OSBPL3: variants seen among roughly 807,000 people sequenced by gnomAD.
OSBPL3 encodes oxysterol binding protein like 3.
In OSBPL3, 65 loss-of-function variants were observed where a neutral mutation model predicts 120.1. The ratio of observed to expected loss-of-function variants is 0.54; its 90% confidence interval spans 0.44 to 0.67. The LOEUF is 0.67. OSBPL3 is among the 30% of genes least tolerant of loss of function. The pLI, the probability that OSBPL3 is intolerant of heterozygous loss-of-function variation, is 0.00. For missense variants in OSBPL3, 1,004 were observed against 1,082.1 expected (o/e 0.93, Z 1.01); for synonymous variants, 416 against 402.6 (o/e 1.03, Z -0.40).
rs549468703 is a variant in OSBPL3, at chr7:24,849,364, G to A, written c.1159-188C>T. 1 of 433,204 alleles carries A rather than the reference G, an allele frequency of 2.3e-6. No homozygotes were observed. Among genetic ancestry groups the A allele is most frequent in the African/African-American group, 2.0e-5 (1 of 49,606 alleles). The allele number at this position is 433,204 out of a possible 1,614,324, so 26.8% of individuals were successfully genotyped here. ...GATACTGGTTCTGAGATGCCTGGGAGATGACAAACCTGGGCTCTGGAAATG... is the reference window on the plus strand; with the variant it reads ...GATACTGGTTCTGAGATGCCTGGGAAATGACAAACCTGGGCTCTGGAAATG... On this transcript the variant is annotated intron_variant, in intron 11 of 22. Transcript: ENST00000313367. The surrounding 1 kb of genome is among the most constrained non-coding windows in gnomAD (Gnocchi z 5.4).
In OSBPL3 at chr7:24,855,744, T is replaced by C. The variant is rs1319473396; in HGVS notation, c.1028-3110A>G. Among the ~76,000 whole-genome samples the C allele has an allele frequency of 2.0e-5, 3 of 152,172 alleles. No homozygotes were observed. The highest frequency in any genetic ancestry group is 2.9e-5 in the Non-Finnish European group (2 of 68,030). On this transcript the variant is annotated intron_variant, in intron 10 of 22. Coordinates refer to ENST00000313367, the MANE Select transcript of OSBPL3 (RefSeq NM_015550.4). This position sits in a 1 kb window ranked among gnomAD's most constrained non-coding sequence, Gnocchi z 4.3. Reference sequence around the variant, plus strand: ...GAACACTCTCTGTGATAGGAGTGCTTTCTTACTTATTTCTAACATGAATCT... The same window carrying C: ...GAACACTCTCTGTGATAGGAGTGCTCTCTTACTTATTTCTAACATGAATCT...
chr7:24,880,772 G>A (rs1803571073), intron 2 of OSBPL3, among the ~76,000 whole-genome samples: 1 of 152,168 alleles, frequency 6.6e-6, no homozygotes. Context: ...CAACTCATGA[G>A]CACACACCTT....
intron 1 of OSBPL3, among the ~76,000 whole-genome samples, chr7:24,929,020 CG>C (rs1226415220): frequency 1.3e-5 from 2 of 152,152 alleles, no homozygotes; most frequent in East Asian, 3.8e-4. Context: ...AGCAGTACGA[CG>C]GGCCAGAGGG....
chr7:24,844,559 C>T (rs1798170345), intron 12 of OSBPL3, among the ~76,000 whole-genome samples: 1 of 152,200 alleles, frequency 6.6e-6, no homozygotes, highest in Non-Finnish European at 1.5e-5. Context: ...ACAACCACTA[C>T]AAGCATTCTG....
chr7:24,895,508 T>C (rs1242897631), intron 1 of OSBPL3, among the ~76,000 whole-genome samples: 1 of 152,148 alleles, frequency 6.6e-6, no homozygotes, highest in African/African-American at 2.4e-5. Flanking sequence ...GTGCTTCCTA[T>C]CTTAAGCGAC....
Position 24,851,400 on chromosome 7 carries a change from T to C in OSBPL3, c.1158+1104A>G, listed in dbSNP as rs1799136937. On this transcript the variant is annotated intron_variant, in intron 11 of 22. Coordinates refer to ENST00000313367, the MANE Select transcript of OSBPL3 (RefSeq NM_015550.4). The surrounding 1 kb of genome is among the most constrained non-coding windows in gnomAD (Gnocchi z 4.1). ...GGTCCATCAGTGAATACTCCTTACA[T>C]ATTCTACAACAACTATATGTGCTAC... Among the ~76,000 whole-genome samples the C allele has an allele frequency of 6.6e-6, 1 of 152,208 alleles. No individual in the cohort carries two copies. The highest frequency in any genetic ancestry group is 1.5e-5 in the Non-Finnish European group (1 of 68,022).
At chr7:24,910,735 T>A (rs1196392020) in intron 1 of OSBPL3, among the ~76,000 whole-genome samples, 1 of 152,082 alleles carries the variant, frequency 6.6e-6, no homozygotes, top group Non-Finnish European at 1.5e-5. Flanking sequence ...AAGAGCTCAG[T>A]GGGGCTGGAG....
chr7:24,974,376 A>G (rs1817349678), intron 1 of OSBPL3, among the ~76,000 whole-genome samples: 1 of 152,216 alleles, frequency 6.6e-6, no homozygotes. Flanking sequence ...TAAACCATCA[A>G]CTATGAGGAC....
intron 2 of OSBPL3, among the ~76,000 whole-genome samples, chr7:24,878,738 G>A (rs1803213147): frequency 6.6e-6 from 1 of 152,234 alleles, no homozygotes; most frequent in Non-Finnish European, 1.5e-5. Context: ...GAAAAAATTA[G>A]TTGGGAGAAA....
At chr7:24,904,152 G>A (rs1318860401) in intron 1 of OSBPL3, among the ~76,000 whole-genome samples, 1 of 152,090 alleles carries the variant, frequency 6.6e-6, no homozygotes, top group Non-Finnish European at 1.5e-5. Flanking sequence ...CAGAGTGCTG[G>A]GATTACAGGT....
intron 1 of OSBPL3, among the ~76,000 whole-genome samples, chr7:24,903,002 C>T (rs897475980): frequency 2.6e-5 from 4 of 152,140 alleles, no homozygotes; most frequent in African/African-American, 4.8e-5. Flanking sequence ...TCAAAAACTC[C>T]GTGGAATAAG....
Position 24,871,238 on chromosome 7 carries a change from A to T in OSBPL3, c.268-393T>A, listed in dbSNP as rs1584454501. ...CATTTAGAAGTGATGTATTAATAAA[A>T]GAAGTGAGAGCAGAAGGCTGAGAGA... On this transcript the variant is annotated intron_variant, in intron 4 of 22. Transcript: ENST00000313367. This position sits in a 1 kb window ranked among gnomAD's most constrained non-coding sequence, Gnocchi z 4.8. Among the ~76,000 whole-genome samples the T allele has an allele frequency of 6.6e-6, 1 of 152,202 alleles. No individual in the cohort carries two copies. The highest frequency in any genetic ancestry group is 2.4e-5 in the African/African-American group (1 of 41,442).
intron 10 of OSBPL3, among the ~76,000 whole-genome samples, chr7:24,856,409 C>T (rs1799848542): frequency 6.6e-6 from 1 of 152,074 alleles, no homozygotes; most frequent in African/African-American, 2.4e-5. Flanking sequence ...CAATGTATCT[C>T]AATTTATCTG....
chr7:24,847,753 T>C (rs1798616471), intron 12 of OSBPL3, among the ~76,000 whole-genome samples: 1 of 152,190 alleles, frequency 6.6e-6, no homozygotes, highest in African/African-American at 2.4e-5. Context: ...AATACCATAG[T>C]ACATGGCAGC....
Position 24,815,274 on chromosome 7 carries a change from C to A in OSBPL3, c.2028-71G>T. ...GCAGCAAATGCAAACAAACTCTGCT[C>A]TTTTATAAAATAAGTCATGCAATGC... On this transcript the variant is annotated intron_variant, in intron 18 of 22. Transcript: ENST00000313367. This position sits in a 1 kb window ranked among gnomAD's most constrained non-coding sequence, Gnocchi z 5.1. The A allele has an allele frequency of 8.0e-7, 1 of 1,256,158 alleles. No individual in the cohort carries two copies. Among genetic ancestry groups the A allele is most frequent in the Admixed American group, 1.8e-5 (1 of 55,686 alleles). The allele number at this position is 1,256,158 out of a possible 1,614,324, so 77.8% of individuals were successfully genotyped here. A position where few individuals can be genotyped will look rare whatever the true frequency, so the allele number is the denominator to read the frequency against.
chr7:24,816,530 G>A (rs1584227291), intron 18 of OSBPL3, 80 bp downstream of exon 18: 12 of 855,836 alleles, frequency 1.4e-5, no homozygotes, highest in South Asian at 1.1e-4. Context: ...TGCCGGGGGC[G>A]GGGGTGGGCA....
intron 1 of OSBPL3, among the ~76,000 whole-genome samples, chr7:24,977,538 A>C (rs1194589807): frequency 7.2e-6 from 1 of 138,918 alleles, no homozygotes; most frequent in Non-Finnish European, 1.5e-5. Flanking sequence ...ATAACCTCAC[A>C]ACAATGCCCA....
rs148533518 is a variant in OSBPL3, at chr7:24,943,767, T to C, written c.-150+36119A>G. On this transcript the variant is annotated intron_variant, in intron 1 of 22. Coordinates refer to ENST00000313367, the MANE Select transcript of OSBPL3 (RefSeq NM_015550.4). ...CCTGGTGCTGACTATATCTTCACTA[T>C]GACATGACTAAATTGGATGGACTGC... Among the ~76,000 whole-genome samples the C allele has an allele frequency of 4.7e-3, 710 of 152,326 alleles. 6 individuals carry two copies. The highest frequency in any genetic ancestry group is 7.7e-3 in the Non-Finnish European group (522 of 68,024).
At position 24,804,388 on chromosome 7, in the gene OSBPL3, T is replaced by C. The variant is rs1435637760; in HGVS notation, c.2494A>G (p.Ile832Val). ...LEEAEIQKQR[I>V]EQLQRERRRV... ...CGCCTTTCTCTCTGCAGTTGTTCAA[T>C]CCTCTGCTTTTGTATTTCAGCTTCT... The change falls in exon 22 of 23, where the codon ATT becomes GTT. Residue 832 changes from isoleucine (I) to valine (V), a missense_variant. Physicochemically the swap from Ile to Val is conservative, Grantham distance 29. Around this residue, in one of 4 missense-constraint regions of OSBPL3, gnomAD observed 473 missense variants for 568.0 expected, o/e 0.83. Coordinates refer to ENST00000313367, the MANE Select transcript of OSBPL3 (RefSeq NM_015550.4). This position sits in a 1 kb window ranked among gnomAD's most constrained non-coding sequence, Gnocchi z 5.4. 2 of 1,613,782 alleles carry C rather than the reference T, an allele frequency of 1.2e-6. No individual in the cohort carries two copies. Among genetic ancestry groups the C allele is most frequent in the Non-Finnish European group, 1.7e-6 (2 of 1,179,832 alleles).
Sources: allele counts gnomAD v4.1 joint callset (sites outside exome capture counted in the v4.1 genomes callset), GRCh38; gene constraint gnomAD v4.1.1; regional missense constraint gnomAD v4.1.1; non-coding constraint Gnocchi (gnomAD v3.1); transcripts MANE v1.5; gene names NCBI Gene and HGNC (gene_info 2026-07-23, HGNC 2026-07-21).